The following AP3B1 variants were observed in gnomAD, a reference collection of about 807,000 sequenced individuals.
The protein encoded by AP3B1 is AP-3 complex subunit beta-1.
AP3B1 carries 61 observed loss-of-function variants against 132.5 expected under a neutral mutation model. The observed-to-expected ratio is 0.46, with a 90% confidence interval of 0.37 to 0.57. AP3B1 has a LOEUF of 0.57. Ranked by LOEUF, AP3B1 falls within the 20% of genes least tolerant of loss-of-function variation. The pLI is 0.00. For synonymous variants in AP3B1, 388 were observed against 438.3 expected (o/e 0.89, Z 1.43); for missense variants, 1,120 against 1,289.4 (o/e 0.87, Z 2.01).
chr5:78,192,385 G>A (rs1580467145), intron 7 of AP3B1, among the ~76,000 whole-genome samples: 1 of 151,496 alleles, frequency 6.6e-6, no homozygotes, highest in East Asian at 2.0e-4. Flanking sequence ...GCTCACACCT[G>A]TAATCCCAGC....
chr5:78,206,985 C>T (rs1229357419), intron 7 of AP3B1, among the ~76,000 whole-genome samples: 2 of 151,774 alleles, frequency 1.3e-5, no homozygotes, highest in Non-Finnish European at 2.9e-5. Flanking sequence ...AGGCCAGGCA[C>T]GGTGGCTCAC....
chr5:78,147,179 T>C (rs570007987), intron 14 of AP3B1, among the ~76,000 whole-genome samples: 2 of 152,272 alleles, frequency 1.3e-5, no homozygotes, highest in East Asian at 1.9e-4. Context: ...ATTTATTTGG[T>C]TGCCATATTT....
At chr5:78,100,005 TTC>T (rs1188992717) in intron 21 of AP3B1, among the ~76,000 whole-genome samples, 1 of 152,166 alleles carries the variant, frequency 6.6e-6, no homozygotes, top group Non-Finnish European at 1.5e-5. Flanking sequence ...AAACATGTAC[TTC>T]TGTTTCTCCA....
intron 11 of AP3B1, among the ~76,000 whole-genome samples, chr5:78,170,155 A>G (rs1432405771): frequency 6.6e-6 from 1 of 152,148 alleles, no homozygotes; most frequent in Non-Finnish European, 1.5e-5. Context: ...TCAGTCTATC[A>G]TTGATGGACA....
At chr5:78,189,560 A>T (rs1744740879) in intron 7 of AP3B1, among the ~76,000 whole-genome samples, 1 of 152,052 alleles carries the variant, frequency 6.6e-6, no homozygotes. Flanking sequence ...CTATTGATGA[A>T]TTTTTTTACA....
intron 11 of AP3B1, among the ~76,000 whole-genome samples, chr5:78,170,443 GCCATA>G (rs1743862895): frequency 6.6e-6 from 1 of 152,076 alleles, no homozygotes; most frequent in Non-Finnish European, 1.5e-5. Context: ...TTTAATGATC[GCCATA>G]CTAACTGGTG....
intron 22 of AP3B1, among the ~76,000 whole-genome samples, chr5:78,054,392 A>T (rs188880019): frequency 3.8e-4 from 58 of 152,332 alleles, no homozygotes; most frequent in Admixed American, 1.2e-3. Context: ...GAGGGGAAGA[A>T]GGAATAGGAA....
At chr5:78,052,227 A>T (rs1748613534) in intron 22 of AP3B1, among the ~76,000 whole-genome samples, 1 of 152,160 alleles carries the variant, frequency 6.6e-6, no homozygotes, top group African/African-American at 2.4e-5. Context: ...TATAAAGCAC[A>T]CAAGACTTTC....
intron 13 of AP3B1, among the ~76,000 whole-genome samples, chr5:78,157,079 T>C (rs916851005): frequency 8.6e-5 from 13 of 151,962 alleles, no homozygotes; most frequent in East Asian, 1.9e-4. Context: ...CAGCAGGAGA[T>C]GGTGGGGGGA....
At chr5:78,035,022 A>T (rs1336406656) in intron 23 of AP3B1, among the ~76,000 whole-genome samples, 1 of 151,962 alleles carries the variant, frequency 6.6e-6, no homozygotes, top group Non-Finnish European at 1.5e-5. Flanking sequence ...ATACTCAAAA[A>T]AATTTGTGGC....
intron 11 of AP3B1, among the ~76,000 whole-genome samples, chr5:78,172,547 T>C (rs1239564174): frequency 2.6e-5 from 4 of 152,242 alleles, no homozygotes; most frequent in East Asian, 1.9e-4. Context: ...TATTCTCTGA[T>C]GGTAGTTTAT....
intron 6 of AP3B1, among the ~76,000 whole-genome samples, chr5:78,225,239 C>T (rs574093816): frequency 6.6e-6 from 1 of 152,156 alleles, no homozygotes; most frequent in Admixed American, 6.5e-5. Context: ...AACTCACATC[C>T]CCCATAGGTC....
chr5:78,132,705 T>A (rs1179812715), intron 15 of AP3B1, among the ~76,000 whole-genome samples: 1 of 152,220 alleles, frequency 6.6e-6, no homozygotes, highest in South Asian at 2.1e-4. Flanking sequence ...TTTAAATGGA[T>A]GTTGATCTTT....
intron 17 of AP3B1, 69 bp from the exon 18 acceptor site, chr5:78,116,303 TC>T (rs1751826775): frequency 1.5e-6 from 2 of 1,360,588 alleles, no homozygotes; most frequent in Admixed American, 1.7e-5. Context: ...GCAAACTTAA[TC>T]ATTAACAACA....
intron 22 of AP3B1, among the ~76,000 whole-genome samples, chr5:78,062,714 G>A (rs1376384849): frequency 6.6e-6 from 1 of 152,104 alleles, no homozygotes; most frequent in East Asian, 1.9e-4. Flanking sequence ...ATTTCCTCTG[G>A]GCATTTATTA....
chr5:78,117,799 G>C (rs1017373302), intron 17 of AP3B1, among the ~76,000 whole-genome samples: 1 of 152,126 alleles, frequency 6.6e-6, no homozygotes, highest in African/African-American at 2.4e-5. Context: ...CAGAGTATTA[G>C]TTTGCTTTTA....
At chr5:78,221,364 T>C (rs1746170352) in intron 6 of AP3B1, among the ~76,000 whole-genome samples, 1 of 151,998 alleles carries the variant, frequency 6.6e-6, no homozygotes, top group Non-Finnish European at 1.5e-5. Context: ...ATATAAATGA[T>C]GAAGCAAAAG....
intron 21 of AP3B1, among the ~76,000 whole-genome samples, chr5:78,092,398 G>A (rs1750560014): frequency 6.6e-6 from 1 of 152,174 alleles, no homozygotes; most frequent in South Asian, 2.1e-4. Context: ...GGCATTGAAA[G>A]CTTACCCTAA....
intron 3 of AP3B1, among the ~76,000 whole-genome samples, chr5:78,240,546 T>C (rs1180099173): frequency 2.0e-5 from 3 of 152,138 alleles, no homozygotes; most frequent in South Asian, 4.1e-4. Flanking sequence ...ACTGGACATA[T>C]GCTATCTTAA....
Sources: gnomAD v4.1 joint callset for allele counts (sites outside exome capture counted in the v4.1 genomes callset) on GRCh38, gnomAD v4.1.1 for gene constraint, MANE v1.5 for transcripts, NCBI Gene and HGNC (gene_info 2026-07-23, HGNC 2026-07-21) for gene names.